The following RHOT1 variants were observed in gnomAD, a reference collection of about 807,000 sequenced individuals.
RHOT1 encodes mitochondrial Rho GTPase 1.
A neutral mutation model predicts 95.3 loss-of-function variants in RHOT1; 27 were observed. That is an observed-to-expected ratio of 0.28 (90% CI 0.21 to 0.39). The LOEUF is 0.39. Ranked by LOEUF, RHOT1 falls within the 10% of genes least tolerant of loss-of-function variation. The probability of loss-of-function intolerance (pLI) is 1.00; values close to 1 mark genes in which losing one functional copy is unlikely to be tolerated. For synonymous variants in RHOT1, 227 were observed against 263.5 expected (o/e 0.86, Z 1.34); for missense variants, 578 against 786.7 (o/e 0.73, Z 3.17).
rs138235842 is a variant in RHOT1 at position 32,207,196 on chromosome 17, TAG to T, written c.1536+170_1536+171del. ...AGGTTCTGGTTTTGTTCTAAAGTGGTAGAGTCTCAGACATACATATTTCTGAA... is the reference window on the plus strand; with the variant it reads ...AGGTTCTGGTTTTGTTCTAAAGTGGTAGTCTCAGACATACATATTTCTGAA... On this transcript the variant is annotated intron_variant, in intron 17 of 19. Transcript: ENST00000545287. 3,660 of 618,428 alleles carry T rather than the reference TAG, an allele frequency of 5.9e-3. 124 individuals carry two copies. In the African/African-American group the frequency reaches 0.063, roughly 11 times the overall value. The allele number at this position is 618,428 out of a possible 1,614,324, so 38.3% of individuals were successfully genotyped here.
chr17:32,204,657 C>T (rs747600574), intron 16 of RHOT1, among the ~76,000 whole-genome samples: 1 of 149,674 alleles, frequency 6.7e-6, no homozygotes, highest in Non-Finnish European at 1.5e-5. Context: ...TAAGTTGGTA[C>T]ACTTAATTGT....
At chr17:32,176,306 T>G in intron 6 of RHOT1, 93 bp downstream of exon 6, 1 of 970,590 alleles carries the variant, frequency 1.0e-6, no homozygotes, top group Non-Finnish European at 1.6e-6. Context: ...CCCTAAATCC[T>G]TCACTTAAAT....
intron 19 of RHOT1, among the ~76,000 whole-genome samples, chr17:32,214,458 A>T (rs547940910): frequency 1.3e-3 from 200 of 152,370 alleles, no homozygotes; most frequent in South Asian, 2.3e-3. Flanking sequence ...GCATGTTTAT[A>T]GTCCACCAGC....
chr17:32,177,749 C>T (rs1219270656), intron 6 of RHOT1, among the ~76,000 whole-genome samples: 14 of 132,186 alleles, frequency 1.1e-4, no homozygotes, highest in Non-Finnish European at 1.6e-4. Flanking sequence ...AGCGAGACTC[C>T]GTCTCAAAAA....
chr17:32,175,462 T>G (rs1029982347), intron 4 of RHOT1, 100 bp downstream of exon 4: 138 of 1,192,166 alleles, frequency 1.2e-4, no homozygotes, highest in Middle Eastern at 5.8e-4. Flanking sequence ...GGTTTTTGTG[T>G]TTTTTTTGGG....
intron 1 of RHOT1, among the ~76,000 whole-genome samples, chr17:32,163,685 G>T (rs144636766): frequency 6.6e-6 from 1 of 151,504 alleles, no homozygotes; most frequent in Non-Finnish European, 1.5e-5. Flanking sequence ...AGCTGAGATC[G>T]TGCCACTGCA....
In RHOT1 at chr17:32,167,286, G is replaced by A. The variant is rs915783293; in HGVS notation, c.38-3757G>A. ...ACAAATGTGCTGTCATCCAGGCTTT[G>A]TTATTCCATTTATAGAGCACAGGCA... On this transcript the variant is annotated intron_variant, in intron 1 of 19. Coordinates refer to ENST00000545287, the MANE Select transcript of RHOT1 (RefSeq NM_001033566.3). Among the ~76,000 whole-genome samples, 4 of 151,268 alleles carry A rather than the reference G, an allele frequency of 2.6e-5. No individual in the cohort carries two copies. In the South Asian group the frequency reaches 8.4e-4, roughly 32 times the overall value.
At chr17:32,209,156 G>GTTCCCCCC (rs1158331427) in intron 18 of RHOT1, 2 of 328,006 alleles carry the variant, frequency 6.1e-6, no homozygotes, top group Non-Finnish European at 1.1e-5. Flanking sequence ...TTTTCAAAAA[G>GTTCCCCCC]GTGTTGATTT....
intron 8 of RHOT1, among the ~76,000 whole-genome samples, chr17:32,185,489 C>T (rs937136845): frequency 6.6e-6 from 1 of 152,144 alleles, no homozygotes; most frequent in African/African-American, 2.4e-5. Flanking sequence ...CTCACTGCCC[C>T]CTCGACTTCC....
chr17:32,167,617 C>T (rs2034205812), intron 1 of RHOT1, among the ~76,000 whole-genome samples: 1 of 152,184 alleles, frequency 6.6e-6, no homozygotes, highest in Non-Finnish European at 1.5e-5. Context: ...TGACCACTGG[C>T]TTCCACTTAA....
intron 1 of RHOT1, among the ~76,000 whole-genome samples, chr17:32,168,558 G>A (rs894594633): frequency 4.6e-5 from 7 of 151,140 alleles, no homozygotes; most frequent in Non-Finnish European, 7.4e-5. Context: ...ACAGGCATGA[G>A]CCACTGCACC....
intron 1 of RHOT1, among the ~76,000 whole-genome samples, chr17:32,143,851 A>C (rs1409404492): frequency 6.6e-6 from 1 of 152,232 alleles, no homozygotes; most frequent in African/African-American, 2.4e-5. Context: ...CCTCAGGGTC[A>C]CCGTGATGGA....
intron 6 of RHOT1, among the ~76,000 whole-genome samples, chr17:32,177,853 T>C (rs974098517): frequency 7.4e-5 from 11 of 149,468 alleles, no homozygotes; most frequent in Non-Finnish European, 1.0e-4. Context: ...AGATGGAGTT[T>C]CCACTCTGTT....
At chr17:32,177,645 C>T (rs1161068396) in intron 6 of RHOT1, among the ~76,000 whole-genome samples, 1 of 150,916 alleles carries the variant, frequency 6.6e-6, no homozygotes, top group African/African-American at 2.4e-5. Flanking sequence ...GTCCCAGCTA[C>T]TCGGGAGGCT....
In RHOT1 at chr17:32,193,970, A is replaced by C; in HGVS notation, c.749-17A>C. On this transcript the variant is annotated splice_polypyrimidine_tract_variant and intron_variant, in intron 10 of 19. Coordinates refer to ENST00000545287, the MANE Select transcript of RHOT1 (RefSeq NM_001033566.3). ...TGTGACTCTGTACACTTTATTTACTAATTTACTTTATTTCAGGTTTTCTCT... is the reference window on the plus strand; with the variant it reads ...TGTGACTCTGTACACTTTATTTACTCATTTACTTTATTTCAGGTTTTCTCT... 1 of 1,611,010 alleles carries C rather than the reference A, an allele frequency of 6.2e-7. No homozygotes were observed. Among genetic ancestry groups the C allele is most frequent in the Non-Finnish European group, 8.5e-7 (1 of 1,177,866 alleles).
intron 11 of RHOT1, among the ~76,000 whole-genome samples, chr17:32,198,680 G>A (rs2037085752): frequency 6.6e-6 from 1 of 152,154 alleles, no homozygotes; most frequent in African/African-American, 2.4e-5. Flanking sequence ...CTGCACTGTA[G>A]CCCGGGCAGC....
rs1332412571 is a variant in RHOT1, at chr17:32,195,259, CT to C, written c.869+1160del. ...TATAGGTGTGCAACACAATGCCTGG[CT>C]TTTTTTTCTTTCTTTCTTTGTTTTC... On this transcript the variant is annotated intron_variant, in intron 11 of 19. Coordinates refer to ENST00000545287, the MANE Select transcript of RHOT1 (RefSeq NM_001033566.3). 2.6e-5 allele frequency among the ~76,000 whole-genome samples: 4 copies of C among 151,920 alleles called. No individual in the cohort carries two copies. In the East Asian group the frequency reaches 5.8e-4, roughly 22 times the overall value.
chr17:32,174,060 C>A, intron 3 of RHOT1, 148 bp downstream of exon 3: 1 of 633,284 alleles, frequency 1.6e-6, no homozygotes, highest in Non-Finnish European at 2.8e-6. Flanking sequence ...TCATTTATGT[C>A]TGTCAACCTC....
At position 32,146,100 on chromosome 17, in the gene RHOT1, C is replaced by T. The variant is rs2031287220; in HGVS notation, c.37+3371C>T. On this transcript the variant is annotated intron_variant, in intron 1 of 19. Coordinates refer to ENST00000545287, the MANE Select transcript of RHOT1 (RefSeq NM_001033566.3). Reference sequence around the variant, plus strand: ...TTTTAATGCAGTCCTGTAAGGCCCTCCACAATCTAGCCCTTACTTCCCTTT... The same window carrying T: ...TTTTAATGCAGTCCTGTAAGGCCCTTCACAATCTAGCCCTTACTTCCCTTT... Among the ~76,000 whole-genome samples the T allele has an allele frequency of 3.9e-5, 6 of 152,296 alleles. No individual in the cohort carries two copies. In the South Asian group the frequency reaches 1.0e-3, roughly 26 times the overall value.
Sources: allele counts gnomAD v4.1 joint callset (sites outside exome capture counted in the v4.1 genomes callset), GRCh38; gene constraint gnomAD v4.1.1; transcripts MANE v1.5; gene names NCBI Gene and HGNC (gene_info 2026-07-23, HGNC 2026-07-21).